Variants in BMP6 observed in about 807,000 individuals in gnomAD.
The protein encoded by BMP6 is VG-1-R.
Under a neutral mutation model 54.1 loss-of-function variants are expected in BMP6, and 17 were observed. The observed-to-expected ratio is 0.31, with a 90% CI of 0.22 to 0.47. BMP6 has a LOEUF of 0.47. Among genes scored for constraint, BMP6 ranks in the 20% least tolerant of loss-of-function variants. The pLI, the probability that BMP6 is intolerant of heterozygous loss-of-function variation, is 1.00. For synonymous variants in BMP6, 328 were observed against 291.2 expected (o/e 1.13, Z -1.28); for missense variants, 720 against 690.4 (o/e 1.04, Z -0.48).
chr6:7,880,213 A>C lies in BMP6; in HGVS notation c.1412A>C (p.Glu471Ala), dbSNP rs1363979947. ...GAACAGGTTCACCTTATGAACCCCG[A>C]GTATGTCCCCAAACCGTGCTGTGCG... is the stretch of plus-strand genomic sequence containing the variant. Reference protein sequence around the residue: ...VQTLVHLMNPEYVPKPCCAPT... With the variant: ...VQTLVHLMNPAYVPKPCCAPT... The change falls in exon 7 of 7, where the codon GAG (glutamate) becomes GCG (alanine). Residue 471 changes from glutamate to alanine, a missense_variant. Physicochemically the swap from Glu to Ala is moderately radical, Grantham distance 107 (BLOSUM62 -1). Around this residue, in one of 3 missense-constraint regions of BMP6, gnomAD observed 43 missense variants for 54.0 expected, o/e 0.80. Transcript: ENST00000283147. The C allele has an allele frequency of 6.2e-7, 1 of 1,614,156 alleles. No homozygotes were observed. Among genetic ancestry groups the C allele is most frequent in the South Asian group, 1.1e-5 (1 of 91,066 alleles).
At chr6:7,812,489 C>T (rs1758449821) in intron 1 of BMP6, among the ~76,000 whole-genome samples, 1 of 152,088 alleles carries the variant, frequency 6.6e-6, no homozygotes, top group South Asian at 2.1e-4. Context: ...TACATGTACA[C>T]ATGTAGATAC....
At chr6:7,810,535 A>G (rs955243800) in intron 1 of BMP6, among the ~76,000 whole-genome samples, 4 of 152,160 alleles carry the variant, frequency 2.6e-5, no homozygotes, top group Non-Finnish European at 2.9e-5. Context: ...CCAGACATGT[A>G]CCTGTACATG....
At chr6:7,755,008 G>A (rs1303754454) in intron 1 of BMP6, among the ~76,000 whole-genome samples, 3 of 152,094 alleles carry the variant, frequency 2.0e-5, no homozygotes, top group African/African-American at 2.4e-5. Flanking sequence ...GTGAGCCACC[G>A]CGCCCGGACT....
At chr6:7,838,258 T>G (rs1371048561) in intron 1 of BMP6, among the ~76,000 whole-genome samples, 1 of 152,170 alleles carries the variant, frequency 6.6e-6, no homozygotes, top group Non-Finnish European at 1.5e-5. Flanking sequence ...AAATTTAAAT[T>G]TATTTTCCTA....
At chr6:7,750,496 T>C (rs1178827116) in intron 1 of BMP6, among the ~76,000 whole-genome samples, 1 of 152,204 alleles carries the variant, frequency 6.6e-6, no homozygotes, top group Non-Finnish European at 1.5e-5. Context: ...AGCTTAACAT[T>C]CTCACAGTGA....
intron 4 of BMP6, 40 bp from the exon 5 acceptor site, chr6:7,879,034 G>C: frequency 6.4e-7 from 1 of 1,567,654 alleles, no homozygotes; most frequent in Non-Finnish European, 8.8e-7. Flanking sequence ...GTTGATGGGT[G>C]CATCTTTTGA....
intron 4 of BMP6, among the ~76,000 whole-genome samples, chr6:7,873,859 T>C (rs1299414793): frequency 6.6e-6 from 1 of 152,072 alleles, no homozygotes; most frequent in African/African-American, 2.4e-5. Context: ...GTAGAAATCT[T>C]TGCTTTTTAC....
intron 1 of BMP6, among the ~76,000 whole-genome samples, chr6:7,746,076 T>G (rs1276019187): frequency 6.6e-6 from 1 of 152,074 alleles, no homozygotes; most frequent in Non-Finnish European, 1.5e-5. Context: ...GGATTTCCCT[T>G]GGTAGGTATA....
At chr6:7,844,777 T>C (rs1759033517) in intron 1 of BMP6, among the ~76,000 whole-genome samples, 1 of 152,184 alleles carries the variant, frequency 6.6e-6, no homozygotes, top group Non-Finnish European at 1.5e-5. Context: ...TTCTTCTTCA[T>C]TGCTTCATTA....
chr6:7,767,059 G>T (rs1266535612), intron 1 of BMP6, among the ~76,000 whole-genome samples: 3 of 150,400 alleles, frequency 2.0e-5, no homozygotes, highest in Non-Finnish European at 4.4e-5. Flanking sequence ...CGATCTCGGT[G>T]CACTGCAAGC....
intron 1 of BMP6, among the ~76,000 whole-genome samples, chr6:7,776,645 A>G (rs960306255): frequency 8.5e-5 from 13 of 152,216 alleles, no homozygotes; most frequent in African/African-American, 3.1e-4. Context: ...AGTATTAGGT[A>G]CGAATACTTG....
intron 2 of BMP6, among the ~76,000 whole-genome samples, chr6:7,849,322 G>C (rs1233162641): frequency 6.6e-6 from 1 of 152,174 alleles, no homozygotes; most frequent in Admixed American, 6.5e-5. Flanking sequence ...ACCAACCACT[G>C]ATCTATTAAC....
At chr6:7,739,219 G>C (rs1393438815) in intron 1 of BMP6, among the ~76,000 whole-genome samples, 5 of 152,192 alleles carry the variant, frequency 3.3e-5, no homozygotes, top group Admixed American at 3.3e-4. Context: ...TAATTTAGAA[G>C]ATTTGATCCT....
At chr6:7,838,256 A>G (rs528892615) in intron 1 of BMP6, among the ~76,000 whole-genome samples, 1 of 152,118 alleles carries the variant, frequency 6.6e-6, no homozygotes, top group African/African-American at 2.4e-5. Flanking sequence ...ATAAATTTAA[A>G]TTTATTTTCC....
At chr6:7,785,553 A>C (rs1185385264) in intron 1 of BMP6, among the ~76,000 whole-genome samples, 9 of 152,130 alleles carry the variant, frequency 5.9e-5, no homozygotes, top group African/African-American at 1.4e-4. Context: ...TTTGTTTTCA[A>C]CTCCAATTTG....
chr6:7,726,888 C>T lies in BMP6; in HGVS notation c.-68C>T, dbSNP rs1204920490. The T allele has an allele frequency of 4.0e-6, 4 of 1,002,036 alleles. No homozygotes were observed. Among genetic ancestry groups the T allele is most frequent in the East Asian group, 8.7e-5 (1 of 11,472 alleles). 62.1% of individuals were successfully genotyped at this position (1,002,036 alleles called of 1,614,324 possible). On this transcript the variant is annotated 5_prime_UTR_variant, in exon 1 of 7. Coordinates refer to ENST00000283147, the MANE Select transcript of BMP6 (RefSeq NM_001718.6). ...TGCTCACGCCAAGGGCCACAGCGGC[C>T]GCGCTCCGGCCTCGCTCCGCCGCTC...
At chr6:7,771,913 C>T (rs752343840) in intron 1 of BMP6, among the ~76,000 whole-genome samples, 7 of 151,856 alleles carry the variant, frequency 4.6e-5, no homozygotes, top group Non-Finnish European at 7.4e-5. Context: ...ATTAGCCAGG[C>T]GTGATGGTGG....
intron 1 of BMP6, among the ~76,000 whole-genome samples, chr6:7,761,138 T>C (rs1757606408): frequency 6.6e-6 from 1 of 152,262 alleles, no homozygotes; most frequent in South Asian, 2.1e-4. Flanking sequence ...CTTTTCTATG[T>C]CACATTTCTC....
intron 1 of BMP6, among the ~76,000 whole-genome samples, chr6:7,731,977 A>G (rs1322142130): frequency 6.6e-6 from 1 of 152,216 alleles, no homozygotes; most frequent in African/African-American, 2.4e-5. Flanking sequence ...ATCAGTATAT[A>G]TTAGTACAAG....
Sources: allele counts gnomAD v4.1 joint callset (sites outside exome capture counted in the v4.1 genomes callset), GRCh38; gene constraint gnomAD v4.1.1; regional missense constraint gnomAD v4.1.1; transcripts MANE v1.5; gene names NCBI Gene and HGNC (gene_info 2026-07-23, HGNC 2026-07-21).